TMEM70: variants seen among roughly 807,000 people sequenced by gnomAD.
TMEM70 encodes transmembrane protein 70, also known as transmembrane protein 70, mitochondrial.
Under a neutral mutation model 20.5 loss-of-function variants are expected in TMEM70, and 15 were observed. The ratio of observed to expected loss-of-function variants is 0.73; its 90% CI spans 0.49 to 1.13. TMEM70 has a LOEUF of 1.13. TMEM70 is among the 50% of genes most tolerant of loss of function. The probability of loss-of-function intolerance (pLI) is 0.00; values close to 1 mark genes in which losing one functional copy is unlikely to be tolerated. For synonymous variants in TMEM70, 141 were observed against 134.2 expected, an observed-to-expected ratio of 1.05 and a Z score of -0.35; for missense variants, 344 against 331.7, an observed-to-expected ratio of 1.04 and a Z score of -0.29.
Position 73,982,040 on chromosome 8 carries a change from T to C in TMEM70, c.*419T>C, listed in dbSNP as rs1284944043. 3 of 465,372 alleles carry C rather than the reference T, an allele frequency of 6.4e-6. No individual in the cohort carries two copies. The highest frequency in any genetic ancestry group is 1.3e-5 in the Non-Finnish European group (3 of 233,802). 28.8% of individuals were successfully genotyped at this position (465,372 alleles called of 1,614,324 possible). On this transcript the variant is annotated 3_prime_UTR_variant, in exon 3 of 3. Transcript: ENST00000312184. ...AGGTGGTGCGGAGCTGTGGTCCACC[T>C]GCTCCTGCTCCTGACTCACTGCTCT...
chr8:73,978,678 G>C, intron 1 of TMEM70, 78 bp from the exon 2 acceptor site: 1 of 1,471,550 alleles, frequency 6.8e-7, no homozygotes, highest in Non-Finnish European at 9.3e-7. Context: ...GGGAGACAGA[G>C]CAAGACTCTG....
intron 1 of TMEM70, 139 bp from the exon 2 acceptor site, chr8:73,978,617 G>A (rs1815711376): frequency 6.2e-6 from 5 of 811,400 alleles, no homozygotes; most frequent in Non-Finnish European, 5.9e-6. Context: ...TTGAACCCGG[G>A]AAGCAGAGGT....
intron 1 of TMEM70, among the ~76,000 whole-genome samples, chr8:73,978,465 A>C (rs1563698152): frequency 6.7e-6 from 1 of 149,232 alleles, no homozygotes; most frequent in Non-Finnish European, 1.5e-5. Flanking sequence ...CCAAGGTGGC[A>C]GATCACTTGA....
rs1251393091 is a variant in TMEM70 at position 73,976,433 on chromosome 8, G to A, written c.152G>A (p.Gly51Asp). 1 of 1,572,254 alleles carries A rather than the reference G, an allele frequency of 6.4e-7. No homozygotes were observed. Among genetic ancestry groups the A allele is most frequent in the South Asian group, 1.1e-5 (1 of 87,468 alleles). Residue 51 changes from glycine (G) to aspartate (D), a missense_variant, in exon 1 of 3, where the codon GGC (glycine) becomes GAC (aspartate). Physicochemically the swap from Gly to Asp is moderately conservative, Grantham distance 94 (BLOSUM62 -1). Transcript: ENST00000312184. ...AGCGGGCCTTCGGGGCCGGTAGCCG[G>A]CTGGAGTACGGGGCCTTCGGGAGCC... is the stretch of plus-strand genomic sequence containing the variant. ...SSSGPSGPVA[G>D]WSTGPSGAAR...
intron 1 of TMEM70, among the ~76,000 whole-genome samples, chr8:73,977,449 A>C (rs1353023300): frequency 6.6e-6 from 1 of 152,144 alleles, no homozygotes; most frequent in Non-Finnish European, 1.5e-5. Context: ...CGGCCTGTCA[A>C]AGGGTTGGGA....
intron 2 of TMEM70, among the ~76,000 whole-genome samples, chr8:73,979,916 C>T (rs911439247): frequency 3.9e-5 from 6 of 152,116 alleles, no homozygotes; most frequent in Non-Finnish European, 8.8e-5. Context: ...AGAGACAGGT[C>T]TTCCTATGGT....
chr8:73,979,307 G>A (rs761683570), intron 2 of TMEM70: 47 of 194,524 alleles, frequency 2.4e-4, no homozygotes, highest in Non-Finnish European at 4.2e-4. Context: ...GGGATTACAG[G>A]CGTGAGCCAC....
chr8:73,978,802 C>A lies in TMEM70; in HGVS notation c.257C>A (p.Ser86Tyr). ...TATGTTCGATTCTTAAATACGCCAT[C>A]TGACAAATCAGAAGATGGAAGGCTA... ...EGYVRFLNTP[S>Y]DKSEDGRLIY... Residue 86 changes from serine to tyrosine, a missense_variant, in exon 2 of 3, where the codon TCT (serine) becomes TAT (tyrosine). By Grantham distance (144) the Ser-to-Tyr change is moderately radical (BLOSUM62 -2). Coordinates refer to ENST00000312184, the MANE Select transcript of TMEM70 (RefSeq NM_017866.6). 6.2e-7 allele frequency: 1 copy of A among 1,614,036 alleles called. No individual in the cohort carries two copies. The highest frequency in any genetic ancestry group is 8.5e-7 in the Non-Finnish European group (1 of 1,179,916).
chr8:73,978,645 A>C, intron 1 of TMEM70, 111 bp from the exon 2 acceptor site: 1 of 1,111,254 alleles, frequency 9.0e-7, no homozygotes. Flanking sequence ...GTGAGCTGAG[A>C]TCGCACCACT....
At chr8:73,977,675 A>T (rs1479871545) in intron 1 of TMEM70, among the ~76,000 whole-genome samples, 1 of 152,046 alleles carries the variant, frequency 6.6e-6, no homozygotes, top group Non-Finnish European at 1.5e-5. Flanking sequence ...GTAAAATTAA[A>T]TTTTATTTCT....
rs552453782 is a variant in TMEM70, at chr8:73,981,371, C to G, written c.533C>G (p.Thr178Ser). The G allele has an allele frequency of 8.1e-6, 13 of 1,614,182 alleles. No individual in the cohort carries two copies. In the Admixed American group the frequency reaches 1.2e-4, roughly 14 times the overall value. The change falls in exon 3 of 3, where the codon ACT becomes AGT. Residue 178 changes from threonine (T) to serine (S), a missense_variant. Transcript: ENST00000312184. ...IRLYHEATTD[T>S]YKAITYNAML... Reference sequence around the variant, plus strand: ...TTGTACCATGAGGCCACAACAGACACTTATAAAGCCATTACCTACAATGCT... The same window carrying G: ...TTGTACCATGAGGCCACAACAGACAGTTATAAAGCCATTACCTACAATGCT...
At chr8:73,979,600 C>T (rs900034323) in intron 2 of TMEM70, among the ~76,000 whole-genome samples, 13 of 151,834 alleles carry the variant, frequency 8.6e-5, no homozygotes, top group African/African-American at 3.1e-4. Flanking sequence ...GTTTAGAAGC[C>T]ATTTTTTAAA....
At chr8:73,976,529 G>A (rs950432171) in intron 1 of TMEM70, 38 bp downstream of exon 1, 1 of 1,477,412 alleles carries the variant, frequency 6.8e-7, no homozygotes, top group Non-Finnish European at 9.0e-7. Context: ...AGTGAGGCGG[G>A]GAGGGCGGGC....
chr8:73,979,553 CAT>C (rs1047507358), intron 2 of TMEM70, among the ~76,000 whole-genome samples: 9 of 152,184 alleles, frequency 5.9e-5, no homozygotes, highest in East Asian at 1.9e-4. Flanking sequence ...GTTAGATAAA[CAT>C]AAAATTTTTC....
chr8:73,977,413 C>G (rs60265086), intron 1 of TMEM70, among the ~76,000 whole-genome samples: 42 of 152,152 alleles, frequency 2.8e-4, no homozygotes, highest in African/African-American at 1.0e-3. Context: ...GTCTTAAACT[C>G]CTGACCTCAA....
At position 73,982,377 on chromosome 8, in the gene TMEM70, G is replaced by A. The variant is rs140127609; in HGVS notation, c.*756G>A. ...CGTTTCCAGATGAGAATCCACAAGC[G>A]ACTCATTGACTTGCGCAGTCCTCAG... On this transcript the variant is annotated 3_prime_UTR_variant, in exon 3 of 3. Transcript: ENST00000312184. The A allele has an allele frequency of 1.4e-5, 10 of 731,626 alleles. No homozygotes were observed. Among genetic ancestry groups the A allele is most frequent in the Admixed American group, 5.3e-5 (3 of 56,860 alleles). 45.3% of individuals were successfully genotyped at this position (731,626 alleles called of 1,614,324 possible).
rs1421532722 is a variant in TMEM70 at position 73,982,502 on chromosome 8, AGTT to A, written c.*885_*887del. 4.7e-6 allele frequency: 3 copies of A among 644,542 alleles called. No homozygotes were observed. Among genetic ancestry groups the A allele is most frequent in the African/African-American group, 1.8e-5 (1 of 56,032 alleles). 39.9% of individuals were successfully genotyped at this position (644,542 alleles called of 1,614,324 possible). ...CAACTGTTTTCATAAATTGATTACCAGTTGTTAAAAAATTTTCAAAAAACCGCA... is the reference window on the plus strand; with the variant it reads ...CAACTGTTTTCATAAATTGATTACCAGTTAAAAAATTTTCAAAAAACCGCA... On this transcript the variant is annotated 3_prime_UTR_variant, in exon 3 of 3. Transcript: ENST00000312184.
chr8:73,976,557 G>A (rs983160098), intron 1 of TMEM70, 66 bp downstream of exon 1: 3 of 1,402,254 alleles, frequency 2.1e-6, no homozygotes, highest in Non-Finnish European at 2.8e-6. Context: ...CGGGCCTGGG[G>A]AGCCCCAGCG....
At position 73,982,683 on chromosome 8, in the gene TMEM70, T is replaced by G. The variant is rs963270481; in HGVS notation, c.*1062T>G. The stretch of plus-strand genomic sequence containing the variant: ...GCTATACGGGAAATGGTAAGTAGTG[T>G]TGTCTTCAGTATCTTAATTTGTTTC... On this transcript the variant is annotated 3_prime_UTR_variant, in exon 3 of 3. Coordinates refer to ENST00000312184, the MANE Select transcript of TMEM70 (RefSeq NM_017866.6). 4.3e-6 allele frequency: 2 copies of G among 459,854 alleles called. No individual in the cohort carries two copies. Among genetic ancestry groups the G allele is most frequent in the South Asian group, 1.5e-5 (1 of 64,534 alleles). The allele number at this position is 459,854 out of a possible 1,614,324, so 28.5% of individuals were successfully genotyped here. A position where few individuals can be genotyped will look rare whatever the true frequency, so the allele number is the denominator to read the frequency against.
Sources: allele counts gnomAD v4.1 joint callset (sites outside exome capture counted in the v4.1 genomes callset), GRCh38; gene constraint gnomAD v4.1.1; transcripts MANE v1.5; gene names NCBI Gene and HGNC (gene_info 2026-07-23, HGNC 2026-07-21).